Variants in CFHR2 observed in about 807,000 individuals in gnomAD.
CFHR2 encodes the protein complement factor H-related protein 2.
CFHR2 carries 22 observed loss-of-function variants against 21.7 expected under a neutral mutation model. The ratio of observed to expected loss-of-function variants is 1.01; its 90% CI spans 0.72 to 1.45. The LOEUF (loss-of-function observed/expected upper bound fraction) is 1.45. CFHR2 is among the 40% of genes most tolerant of loss of function. CFHR2 has a pLI of 0.00. For synonymous variants in CFHR2, 98 were observed against 97.4 expected (o/e 1.01, Z -0.04); for missense variants, 294 against 293.3 (o/e 1.00, Z -0.02).
At position 196,958,081 on chromosome 1, in the gene CFHR2, C is replaced by T. The variant is rs1431125393; in HGVS notation, c.613+8C>T. The T allele has an allele frequency of 2.5e-6, 4 of 1,610,616 alleles. No individual in the cohort carries two copies. The highest frequency in any genetic ancestry group is 2.2e-5 in the South Asian group (2 of 90,976). ...AACCACCAAAATGCTTAGGTAAGTA[C>T]TTTAATATTCTCATGGATTCTGGAA... is the stretch of plus-strand genomic sequence containing the variant. On this transcript the variant is annotated splice_region_variant and intron_variant, in intron 4 of 4. Transcript: ENST00000367415.
chr1:196,958,907 A>T lies in CFHR2; in HGVS notation c.640A>T (p.Met214Leu). 3 of 1,589,570 alleles carry T rather than the reference A, an allele frequency of 1.9e-6. No individual in the cohort carries two copies. The highest frequency in any genetic ancestry group is 2.6e-6 in the Non-Finnish European group (3 of 1,159,374). The change falls in exon 5 of 5, where the codon ATG (methionine) becomes TTG (leucine). Residue 214 changes from methionine to leucine, a missense_variant. Physicochemically the swap from Met to Leu is conservative, Grantham distance 15. Transcript: ENST00000367415. ...LDPCVISQEI[M>L]EKYNIKLKWT... ...TCCATGTGTAATATCACAAGAAATT[A>T]TGGAAAAATATAACATAAAATTAAA...
At chr1:196,957,174 T>C (rs937429225) in intron 3 of CFHR2, among the ~76,000 whole-genome samples, 1 of 152,138 alleles carries the variant, frequency 6.6e-6, no homozygotes, top group African/African-American at 2.4e-5. Flanking sequence ...TCTTTTTCTG[T>C]CTGAACCTCA....
intron 3 of CFHR2, among the ~76,000 whole-genome samples, chr1:196,953,665 T>C (rs1325306494): frequency 6.6e-6 from 1 of 152,200 alleles, no homozygotes; most frequent in Non-Finnish European, 1.5e-5. Context: ...GCCATCCAAA[T>C]ATTGGAATAA....
At chr1:196,949,173 T>C (rs1402921220) in intron 1 of CFHR2, among the ~76,000 whole-genome samples, 2 of 152,174 alleles carry the variant, frequency 1.3e-5, no homozygotes, top group East Asian at 1.9e-4. Flanking sequence ...TCTTAAATTG[T>C]TGTGTGAGGG....
Position 196,949,579 on chromosome 1 carries a change from T to G in CFHR2, c.183T>G (p.Ser61=). 6.2e-7 allele frequency: 1 copy of G among 1,614,044 alleles called. No individual in the cohort carries two copies. The highest frequency in any genetic ancestry group is 8.5e-7 in the Non-Finnish European group (1 of 1,179,958). ...ACTCCTGTGAATATAATTTTGTGTC[T>G]CCTTCAAAATCCTTTTGGACTCGCA... The part of the protein sequence containing the change: ...FYYSCEYNFV[S]PSKSFWTRIT... Residue 61 remains serine, a synonymous_variant, in exon 2 of 5, where the codon TCT becomes TCG. Transcript: ENST00000367415.
chr1:196,947,285 T>C (rs1409895128), intron 1 of CFHR2, among the ~76,000 whole-genome samples: 1 of 152,166 alleles, frequency 6.6e-6, no homozygotes, highest in Non-Finnish European at 1.5e-5. Context: ...GCTAGCACCA[T>C]TGCAGATATG....
chr1:196,945,169 C>A lies in CFHR2; in HGVS notation c.58+1231C>A, dbSNP rs540194330. On this transcript the variant is annotated intron_variant, in intron 1 of 4. Coordinates refer to ENST00000367415, the MANE Select transcript of CFHR2 (RefSeq NM_005666.4). ...GGGATTGCAGGCATAAGCCACCACG[C>A]CTAGCCCTTGAAATTCGTTTTATTT... Among the ~76,000 whole-genome samples the A allele has an allele frequency of 4.5e-4, 65 of 144,948 alleles. 7 individuals carry two copies. The highest frequency in any genetic ancestry group is 1.5e-3 in the African/African-American group (59 of 39,088).
In CFHR2 at chr1:196,949,594, T is replaced by G; in HGVS notation, c.198T>G (p.Phe66Leu). ...ATTTTGTGTCTCCTTCAAAATCCTT[T>G]TGGACTCGCATAACGTGCGCAGAAG... The part of the protein sequence containing the change: ...EYNFVSPSKS[F>L]WTRITCAEEG... Residue 66 changes from phenylalanine (F) to leucine (L), a missense_variant, in exon 2 of 5, where the codon TTT (phenylalanine) becomes TTG (leucine). Phe to Leu is a conservative substitution (Grantham distance 22). Transcript: ENST00000367415. The G allele has an allele frequency of 6.2e-7, 1 of 1,614,052 alleles. No homozygotes were observed. The highest frequency in any genetic ancestry group is 8.5e-7 in the Non-Finnish European group (1 of 1,179,968).
intron 4 of CFHR2, among the ~76,000 whole-genome samples, chr1:196,958,417 A>T (rs112334341): frequency 0.048 from 6,666 of 140,272 alleles, 461 homozygotes; most frequent in African/African-American, 0.16. Flanking sequence ...TGTGTGTGTG[A>T]GAGAGAGAGA....
intron 1 of CFHR2, among the ~76,000 whole-genome samples, chr1:196,948,987 C>T (rs944553426): frequency 3.3e-5 from 5 of 151,956 alleles, no homozygotes; most frequent in African/African-American, 1.2e-4. Flanking sequence ...AACTAACTAC[C>T]CAACATCTTT....
chr1:196,957,827 A>G, intron 3 of CFHR2, 64 bp from the exon 4 acceptor site: 1 of 1,460,310 alleles, frequency 6.8e-7, no homozygotes, highest in Admixed American at 1.7e-5. Context: ...CCTTGTTTGC[A>G]TTTGCCTTAT....
At chr1:196,957,767 A>C in intron 3 of CFHR2, 124 bp from the exon 4 acceptor site, 1 of 819,384 alleles carries the variant, frequency 1.2e-6, no homozygotes, top group Non-Finnish European at 1.9e-6. Flanking sequence ...TTACTCCGGG[A>C]ATCATTTCAT....
At chr1:196,946,863 CTT>C (rs1659514992) in intron 1 of CFHR2, among the ~76,000 whole-genome samples, 1 of 152,134 alleles carries the variant, frequency 6.6e-6, no homozygotes, top group Non-Finnish European at 1.5e-5. Flanking sequence ...ACCAGTAACA[CTT>C]CTATATTGTC....
At chr1:196,957,726 A>T (rs1479428200) in intron 3 of CFHR2, among the ~76,000 whole-genome samples, 165 bp from the exon 4 acceptor site, 1 of 152,176 alleles carries the variant, frequency 6.6e-6, no homozygotes, top group African/African-American at 2.4e-5. Context: ...AAAAGAACTG[A>T]AAATTTAACT....
rs1268464786 is a variant in CFHR2 at position 196,957,970 on chromosome 1, A to T, written c.510A>T (p.Pro170=). 1 of 1,613,684 alleles carries T rather than the reference A, an allele frequency of 6.2e-7. No individual in the cohort carries two copies. The highest frequency in any genetic ancestry group is 1.3e-5 in the African/African-American group (1 of 74,926). ...ITSFLLSVYA[P]GSSVEYQCQN... The stretch of plus-strand genomic sequence containing the variant: ...CATTCCTGTTGTCAGTATATGCTCC[A>T]GGTTCATCAGTTGAGTACCAGTGCC... Residue 170 remains proline (P), a synonymous_variant, in exon 4 of 5, where the codon CCA becomes CCT. Transcript: ENST00000367415.
rs775888920 is a variant in CFHR2, at chr1:196,958,074, G to A, written c.613+1G>A. The A allele has an allele frequency of 1.2e-6, 2 of 1,612,244 alleles. No individual in the cohort carries two copies. The highest frequency in any genetic ancestry group is 2.2e-5 in the East Asian group (1 of 44,842). ...TGGTCAGAACCACCAAAATGCTTAGGTAAGTACTTTAATATTCTCATGGAT... is the reference window on the plus strand; with the variant it reads ...TGGTCAGAACCACCAAAATGCTTAGATAAGTACTTTAATATTCTCATGGAT... On this transcript the variant is annotated splice_donor_variant, in intron 4 of 4. Transcript: ENST00000367415. LOFTEE classifies it high-confidence loss of function.
intron 1 of CFHR2, among the ~76,000 whole-genome samples, chr1:196,948,363 C>G (rs997385860): frequency 2.0e-5 from 3 of 151,996 alleles, no homozygotes; most frequent in African/African-American, 4.8e-5. Context: ...GCAACATACC[C>G]CTCCTGGGTT....
At chr1:196,955,717 G>GC (rs34137493) in intron 3 of CFHR2, among the ~76,000 whole-genome samples, 56,128 of 151,760 alleles carry the variant, frequency 0.37, 11,989 homozygotes, top group African/African-American at 0.59. Context: ...GCATGGTGGT[G>GC]ACTCCTGTAA....
chr1:196,959,211 G>T lies in CFHR2; in HGVS notation c.*131G>T. The T allele has an allele frequency of 1.4e-6, 1 of 704,538 alleles. No homozygotes were observed. The allele number at this position is 704,538 out of a possible 1,614,324, so 43.6% of individuals were successfully genotyped here. ...TAAATAAAGTTTTGTGTTGATTTGT[G>T]AAAATGCAATTACAATCTGAGATGT... On this transcript the variant is annotated 3_prime_UTR_variant, in exon 5 of 5. Transcript: ENST00000367415.
Sources: allele counts gnomAD v4.1 joint callset (sites outside exome capture counted in the v4.1 genomes callset), GRCh38; gene constraint gnomAD v4.1.1; transcripts MANE v1.5; gene names NCBI Gene and HGNC (gene_info 2026-07-23, HGNC 2026-07-21).